The following PMM2 variants were observed in gnomAD, a reference collection of about 807,000 sequenced individuals.
The protein encoded by PMM2 is mannose-6-phosphate isomerase.
PMM2 carries 35 observed loss-of-function variants against 33.2 expected under a neutral mutation model. The observed-to-expected ratio is 1.06, with a 90% CI of 0.81 to 1.40. PMM2 has a LOEUF of 1.40. Among genes scored for constraint, PMM2 ranks in the 40% most tolerant of loss-of-function variants. PMM2 has a pLI of 0.00. For synonymous variants in PMM2, 153 were observed against 114.7 expected (o/e 1.33, Z -2.13); for missense variants, 386 against 306.0 (o/e 1.26, Z -1.95).
chr16:8,840,400 C>G, intron 7 of PMM2, among the ~76,000 whole-genome samples: 1 of 151,692 alleles, frequency 6.6e-6, no homozygotes, highest in Non-Finnish European at 1.5e-5. Context: ...GTAAACCGGC[C>G]GTGTAAACAA....
chr16:8,833,015 T>G, intron 7 of PMM2: 4 of 547,628 alleles, frequency 7.3e-6, no homozygotes, highest in Non-Finnish European at 9.3e-6. Flanking sequence ...CCCCAGCTGC[T>G]AAAGCAATGC....
At chr16:8,830,887 C>G (rs998411835) in intron 7 of PMM2, among the ~76,000 whole-genome samples, 3 of 152,208 alleles carry the variant, frequency 2.0e-5, no homozygotes, top group Non-Finnish European at 4.4e-5. Flanking sequence ...GCCTGTAATC[C>G]CAGCACTTTG....
chr16:8,839,237 G>A (rs140082024), intron 7 of PMM2, among the ~76,000 whole-genome samples: 299 of 152,216 alleles, frequency 2.0e-3, no homozygotes, highest in African/African-American at 6.8e-3. Context: ...AGGAAGACTA[G>A]TGTGCATGTG....
At chr16:8,836,399 C>A (rs1187110426) in intron 7 of PMM2, among the ~76,000 whole-genome samples, 1 of 151,966 alleles carries the variant, frequency 6.6e-6, no homozygotes, top group East Asian at 1.9e-4. Flanking sequence ...GGGTCCCGCA[C>A]AGATGGGACG....
intron 7 of PMM2, among the ~76,000 whole-genome samples, chr16:8,845,588 GTTT>G (rs148669369): frequency 6.6e-6 from 1 of 150,408 alleles, no homozygotes; most frequent in African/African-American, 2.4e-5. Context: ...TTTTTTGTTT[GTTT>G]TTTTTTCTTT....
chr16:8,816,517 G>A (rs532032523), intron 7 of PMM2, among the ~76,000 whole-genome samples: 32 of 151,626 alleles, frequency 2.1e-4, no homozygotes, highest in Admixed American at 7.9e-4. Flanking sequence ...AAGGTGGGCG[G>A]ATCACCTGAG....
chr16:8,823,859 G>A (rs1409516441), intron 7 of PMM2, among the ~76,000 whole-genome samples: 1 of 151,632 alleles, frequency 6.6e-6, no homozygotes, highest in Non-Finnish European at 1.5e-5. Context: ...CTTTTCCAAG[G>A]GACTTCTATT....
At chr16:8,802,129 T>G (rs555003643) in intron 2 of PMM2, 29 of 535,706 alleles carry the variant, frequency 5.4e-5, no homozygotes, top group African/African-American at 4.7e-4. Context: ...GATGTGTGAG[T>G]AGATTCACCT....
chr16:8,806,772 A>G (rs1347769060), intron 4 of PMM2: 2 of 308,662 alleles, frequency 6.5e-6, no homozygotes, highest in African/African-American at 2.1e-5. Context: ...ATGGAAATTT[A>G]TACAACCATT....
chr16:8,800,674 T>TG (rs1242094636), intron 1 of PMM2, among the ~76,000 whole-genome samples: 53 of 151,416 alleles, frequency 3.5e-4, no homozygotes, highest in African/African-American at 1.2e-3. Context: ...CCTTTTTTTT[T>TG]TTTTTTTGTT....
At position 8,804,031 on chromosome 16, in the gene PMM2, G is replaced by GTTTTTTTTT. The variant is rs752484926; in HGVS notation, c.179-724_179-716dup. Among the ~76,000 whole-genome samples, 48 of 87,460 alleles carry GTTTTTTTTT rather than the reference G, an allele frequency of 5.5e-4. 1 individual carries two copies. The highest frequency in any genetic ancestry group is 1.2e-3 in the African/African-American group (26 of 21,942). The allele number at this position is 87,460 out of a possible 152,430, so 57.4% of individuals were successfully genotyped here. A position where few individuals can be genotyped will look rare whatever the true frequency, so the allele number is the denominator to read the frequency against. ...GTTTTTTGTTTTTTGGGTTTTTTTTGTTTTTTTTTTTTTTTTTTTTGACGT... is the reference window on the plus strand; with the variant it reads ...GTTTTTTGTTTTTTGGGTTTTTTTTGTTTTTTTTTTTTTTTTTTTTTTTTTTTTTGACGT... On this transcript the variant is annotated intron_variant, in intron 2 of 7. Transcript: ENST00000268261.
chr16:8,844,629 C>T lies in PMM2; in HGVS notation c.640-3095C>T, dbSNP rs1229236485. On this transcript the variant is annotated intron_variant, in intron 7 of 7. Transcript: ENST00000268261. ...GCAGGTGTCCCTGCGTGGTCTGACA[C>T]CTCTGAAACGTGGGTGAATGATCAG... 3.3e-5 allele frequency among the ~76,000 whole-genome samples: 5 copies of T among 152,228 alleles called. No individual in the cohort carries two copies. In the East Asian group the frequency reaches 7.7e-4, roughly 23 times the overall value.
chr16:8,840,315 T>G (rs1458026121), intron 7 of PMM2, among the ~76,000 whole-genome samples: 1 of 151,904 alleles, frequency 6.6e-6, no homozygotes, highest in Admixed American at 6.6e-5. Context: ...ATCTATCCAC[T>G]CTAAGAGGGA....
rs115130167 is a variant in PMM2 at position 8,832,796 on chromosome 16, C to T, written c.640-14928C>T. On this transcript the variant is annotated intron_variant, in intron 7 of 7. Transcript: ENST00000268261. The stretch of plus-strand genomic sequence containing the variant: ...ACAATCTGTGAGGCCCGCTGTGGCC[C>T]GGCCCCAGCCCCTGCCCATCCTCCC... 1.0e-3 allele frequency: 985 copies of T among 985,310 alleles called. 8 individuals carry two copies. The African/African-American group carries it at 0.016, about 16-fold the overall frequency. The allele number at this position is 985,310 out of a possible 1,614,324, so 61.0% of individuals were successfully genotyped here.
In PMM2 at chr16:8,848,534, T is replaced by G. The variant is rs1467739983; in HGVS notation, c.*709T>G. The G allele has an allele frequency of 1.3e-5, 2 of 152,606 alleles. No individual in the cohort carries two copies. The highest frequency in any genetic ancestry group is 4.8e-5 in the African/African-American group (2 of 41,464). The allele number at this position is 152,606 out of a possible 1,614,324, so 9.5% of individuals were successfully genotyped here. A position where few individuals can be genotyped will look rare whatever the true frequency, so the allele number is the denominator to read the frequency against. ...TGTGTTCACTACACTCAGAATAGCCTGGCTGCTTCTCTGTCTCCGAGACCG... is the reference window on the plus strand; with the variant it reads ...TGTGTTCACTACACTCAGAATAGCCGGGCTGCTTCTCTGTCTCCGAGACCG... On this transcript the variant is annotated 3_prime_UTR_variant, in exon 8 of 8. Coordinates refer to ENST00000268261, the MANE Select transcript of PMM2 (RefSeq NM_000303.3).
intron 7 of PMM2, among the ~76,000 whole-genome samples, chr16:8,830,168 G>C (rs920156549): frequency 2.6e-5 from 4 of 152,206 alleles, no homozygotes; most frequent in Admixed American, 2.6e-4. Flanking sequence ...CAGTCGAAGA[G>C]AACTAGGTGG....
At chr16:8,802,832 G>GGA (rs1555448993) in intron 2 of PMM2, among the ~76,000 whole-genome samples, 4 of 147,740 alleles carry the variant, frequency 2.7e-5, no homozygotes, top group Non-Finnish European at 3.0e-5. Context: ...CTCCGTCTTG[G>GGA]AAAAAAAAAA....
chr16:8,837,816 A>G (rs2060861002), intron 7 of PMM2, among the ~76,000 whole-genome samples: 1 of 152,004 alleles, frequency 6.6e-6, no homozygotes, highest in Non-Finnish European at 1.5e-5. Context: ...ACGTGGGTAA[A>G]TAATCAGGCG....
chr16:8,846,342 A>G (rs1330573542), intron 7 of PMM2, among the ~76,000 whole-genome samples: 1 of 152,212 alleles, frequency 6.6e-6, no homozygotes, highest in African/African-American at 2.4e-5. Context: ...CTTTATGAGA[A>G]AAATCCCTTT....
Sources: gnomAD v4.1 joint callset for allele counts (sites outside exome capture counted in the v4.1 genomes callset) on GRCh38, gnomAD v4.1.1 for gene constraint, MANE v1.5 for transcripts, NCBI Gene and HGNC (gene_info 2026-07-23, HGNC 2026-07-21) for gene names.